EPS8: variants seen among roughly 807,000 people sequenced by gnomAD.
EPS8 encodes EGFR pathway substrate 8, signaling adaptor.
In EPS8, 42 loss-of-function variants were observed where a neutral mutation model predicts 103.8. The ratio of observed to expected loss-of-function variants is 0.40; its 90% CI spans 0.32 to 0.52. The LOEUF is 0.52. Ranked by LOEUF, EPS8 falls within the 20% of genes least tolerant of loss-of-function variation. The probability of loss-of-function intolerance (pLI) is 0.40; values close to 1 mark genes in which losing one functional copy is unlikely to be tolerated. For missense variants in EPS8, 969 were observed against 1,005.1 expected (o/e 0.96, Z 0.49); for synonymous variants, 344 against 344.6 (o/e 1.00, Z 0.02).
At chr12:15,681,623 G>A (rs767648894) in intron 2 of EPS8, among the ~76,000 whole-genome samples, 41 of 150,968 alleles carry the variant, frequency 2.7e-4, no homozygotes, top group African/African-American at 6.1e-4. Flanking sequence ...CCAGCTACTC[G>A]GGAGGCTGAG....
At chr12:15,680,450 C>A (rs1945985584) in intron 3 of EPS8, among the ~76,000 whole-genome samples, 3 of 152,086 alleles carry the variant, frequency 2.0e-5, no homozygotes, top group South Asian at 4.2e-4. Context: ...CTGTGAGATA[C>A]CCCCATTACA....
At chr12:15,632,195 A>G (rs1945058762) in intron 17 of EPS8, among the ~76,000 whole-genome samples, 1 of 152,178 alleles carries the variant, frequency 6.6e-6, no homozygotes, top group Admixed American at 6.5e-5. Flanking sequence ...ATTTATTAAA[A>G]TTAGAAATTT....
chr12:15,736,066 T>C lies in EPS8; in HGVS notation c.-21-53094A>G, dbSNP rs1946764115. 6.6e-6 allele frequency among the ~76,000 whole-genome samples: 1 copy of C among 152,100 alleles called. No individual in the cohort carries two copies. The highest frequency in any genetic ancestry group is 2.4e-5 in the African/African-American group (1 of 41,404). The stretch of plus-strand genomic sequence containing the variant: ...ATACCCAGCTAATTTTTAAATTCTT[T>C]TGTAGAGATAAGGTCTCACTATGTT... On this transcript the variant is annotated intron_variant, in intron 1 of 20. Coordinates refer to ENST00000281172, the MANE Select transcript of EPS8 (RefSeq NM_004447.6). The surrounding 1 kb of genome is among the most constrained non-coding windows in gnomAD (Gnocchi z 4.2).
chr12:15,697,578 A>G lies in EPS8; in HGVS notation c.-21-14606T>C, dbSNP rs1946259662. On this transcript the variant is annotated intron_variant, in intron 1 of 20. Coordinates refer to ENST00000281172, the MANE Select transcript of EPS8 (RefSeq NM_004447.6). The surrounding 1 kb of genome is among the most constrained non-coding windows in gnomAD (Gnocchi z 5.6). ...ATGTTCACTGTCAAAGAGGTAATTA[A>G]TAGTAGATGTGGGATAAAATTCAAC... 6.6e-6 allele frequency among the ~76,000 whole-genome samples: 1 copy of G among 152,250 alleles called. No homozygotes were observed. Among genetic ancestry groups the G allele is most frequent in the Admixed American group, 6.5e-5 (1 of 15,290 alleles).
intron 17 of EPS8, among the ~76,000 whole-genome samples, chr12:15,633,940 C>G (rs1250827625): frequency 6.6e-6 from 1 of 152,168 alleles, no homozygotes; most frequent in African/African-American, 2.4e-5. Context: ...CTCCTCTTTA[C>G]CTAACACCCA....
In EPS8 at chr12:15,664,283, ATT is replaced by A. The variant is rs151115559; in HGVS notation, c.736+1471_736+1472del. Among the ~76,000 whole-genome samples, 1,449 of 151,426 alleles carry A rather than the reference ATT, an allele frequency of 9.6e-3. 23 individuals are homozygous for A. The highest frequency in any genetic ancestry group is 0.033 in the African/African-American group (1,368 of 41,360). On this transcript the variant is annotated intron_variant, in intron 8 of 20. Transcript: ENST00000281172. The stretch of plus-strand genomic sequence containing the variant: ...TTAAACTACATATCTCTGTTAATTA[ATT>A]TTTTTTTAAATAAATGCATCAAAGA...
In EPS8 at chr12:15,745,162, A is replaced by G. The variant is rs906708212; in HGVS notation, c.-22+43999T>C. ...AGGCGTGAGCCACCATGCCTGGCCA[A>G]TTGTCCATTATTTTTAACATTATTT... On this transcript the variant is annotated intron_variant, in intron 1 of 20. Transcript: ENST00000281172. This position sits in a 1 kb window ranked among gnomAD's most constrained non-coding sequence, Gnocchi z 4.6. Among the ~76,000 whole-genome samples, 1 of 152,148 alleles carries G rather than the reference A, an allele frequency of 6.6e-6. No homozygotes were observed. The highest frequency in any genetic ancestry group is 1.9e-4 in the East Asian group (1 of 5,190).
At chr12:15,647,351 T>C (rs1488172446) in intron 14 of EPS8, 91 bp from the exon 15 acceptor site, 21 of 1,138,628 alleles carry the variant, frequency 1.8e-5, no homozygotes, top group Non-Finnish European at 2.5e-5. Flanking sequence ...AACTATATTG[T>C]GATAAGTTTT....
Position 15,785,822 on chromosome 12 carries a change from T to TGGTA in EPS8, c.-22+3335_-22+3338dup, listed in dbSNP as rs999339724. On this transcript the variant is annotated intron_variant, in intron 1 of 20. Coordinates refer to ENST00000281172, the MANE Select transcript of EPS8 (RefSeq NM_004447.6). This position sits in a 1 kb window ranked among gnomAD's most constrained non-coding sequence, Gnocchi z 4.9. ...TCCAAAAAAACAAAATTCACATTGA[T>TGGTA]GGTAGTATGTCAAAGAGGCACTGGA... Among the ~76,000 whole-genome samples the TGGTA allele has an allele frequency of 3.3e-5, 5 of 151,982 alleles. No homozygotes were observed. Among genetic ancestry groups the TGGTA allele is most frequent in the Admixed American group, 6.6e-5 (1 of 15,266 alleles).
At chr12:15,719,214 T>G (rs917767603) in intron 1 of EPS8, among the ~76,000 whole-genome samples, 1 of 152,006 alleles carries the variant, frequency 6.6e-6, no homozygotes. Context: ...TATATATATA[T>G]ATACACACAT....
chr12:15,691,365 G>C (rs773422442), intron 1 of EPS8, among the ~76,000 whole-genome samples: 1 of 151,654 alleles, frequency 6.6e-6, no homozygotes, highest in Admixed American at 6.6e-5. Context: ...ACATAGTAAG[G>C]TCCCATTTCT....
At chr12:15,722,544 G>A (rs1394709672) in intron 1 of EPS8, among the ~76,000 whole-genome samples, 1 of 152,118 alleles carries the variant, frequency 6.6e-6, no homozygotes, top group Non-Finnish European at 1.5e-5. Flanking sequence ...TTAATACACT[G>A]TCAAAATTTC....
rs1353458709 is a variant in EPS8 at position 15,701,015 on chromosome 12, A to G, written c.-21-18043T>C. On this transcript the variant is annotated intron_variant, in intron 1 of 20. Transcript: ENST00000281172. The surrounding 1 kb of genome is among the most constrained non-coding windows in gnomAD (Gnocchi z 5.1). ...TAAGGTATATTATAAAGAATAAACT[A>G]CTACCTACCTGTGTCCATCTTTATA... Among the ~76,000 whole-genome samples, 1 of 152,188 alleles carries G rather than the reference A, an allele frequency of 6.6e-6. No homozygotes were observed. Among genetic ancestry groups the G allele is most frequent in the Non-Finnish European group, 1.5e-5 (1 of 68,026 alleles).
chr12:15,686,862 GT>G (rs1407545487), intron 1 of EPS8, among the ~76,000 whole-genome samples: 6 of 152,000 alleles, frequency 3.9e-5, no homozygotes. Context: ...ATATTTAACT[GT>G]CCTTCAAATG....
rs1946131639 is a variant in EPS8 at position 15,688,791 on chromosome 12, G to A, written c.-21-5819C>T. Among the ~76,000 whole-genome samples, 1 of 152,136 alleles carries A rather than the reference G, an allele frequency of 6.6e-6. No homozygotes were observed. Among genetic ancestry groups the A allele is most frequent in the South Asian group, 2.1e-4 (1 of 4,832 alleles). On this transcript the variant is annotated intron_variant, in intron 1 of 20. Transcript: ENST00000281172. This position sits in a 1 kb window ranked among gnomAD's most constrained non-coding sequence, Gnocchi z 5.1. ...CCCATACGCCAAGGCAATAACCCCA[G>A]GATACAGAAAACCCCCTGTCCTTGC...
At chr12:15,733,000 A>G (rs1489690657) in intron 1 of EPS8, among the ~76,000 whole-genome samples, 1 of 152,212 alleles carries the variant, frequency 6.6e-6, no homozygotes, top group African/African-American at 2.4e-5. Flanking sequence ...TGACTACCAC[A>G]CTAGAATTGA....
intron 12 of EPS8, among the ~76,000 whole-genome samples, chr12:15,656,070 T>C (rs1214088288): frequency 6.6e-6 from 1 of 152,142 alleles, no homozygotes; most frequent in African/African-American, 2.4e-5. Flanking sequence ...AAAGACCAAT[T>C]TGTATATGTC....
chr12:15,687,285 T>G (rs7976787), intron 1 of EPS8, among the ~76,000 whole-genome samples: 141,754 of 152,122 alleles, frequency 0.93, 66,858 homozygotes, highest in East Asian at 1. Context: ...CAAAGAATTT[T>G]TATGTGTGAA....
rs140082192 is a variant in EPS8 at position 15,706,889 on chromosome 12, C to G, written c.-21-23917G>C. 1.3e-3 allele frequency among the ~76,000 whole-genome samples: 201 copies of G among 152,134 alleles called. 5 individuals are homozygous for G. In the East Asian group the frequency reaches 0.036, roughly 28 times the overall value. On this transcript the variant is annotated intron_variant, in intron 1 of 20. Coordinates refer to ENST00000281172, the MANE Select transcript of EPS8 (RefSeq NM_004447.6). The surrounding 1 kb of genome is among the most constrained non-coding windows in gnomAD (Gnocchi z 5.2). ...TTATACAAATGCCCATATTTGATAT[C>G]TAGTTAGCAAGCCAGACAAGCTTAC...
Sources: gnomAD v4.1 joint callset for allele counts (sites outside exome capture counted in the v4.1 genomes callset) on GRCh38, gnomAD v4.1.1 for gene constraint, Gnocchi (gnomAD v3.1) non-coding constraint, MANE v1.5 for transcripts, NCBI Gene and HGNC (gene_info 2026-07-23, HGNC 2026-07-21) for gene names.